Variants in RBFOX1 observed in about 807,000 individuals in gnomAD.
RBFOX1 encodes RNA binding protein fox-1 homolog 1.
Under a neutral mutation model 57.7 loss-of-function variants are expected in RBFOX1, and 8 were observed. The ratio of observed to expected loss-of-function variants is 0.14; its 90% CI spans 0.08 to 0.25. The LOEUF is 0.25. RBFOX1 is among the 10% of genes least tolerant of loss of function. RBFOX1 has a pLI of 1.00. For missense variants in RBFOX1, 611 were observed against 548.5 expected, an observed-to-expected ratio of 1.11 and a Z score of -1.14; for synonymous variants, 326 against 222.4, an observed-to-expected ratio of 1.47 and a Z score of -4.15.
At chr16:6,666,887 T>G (rs77883637) in intron 3 of RBFOX1, among the ~76,000 whole-genome samples, 11 of 152,282 alleles carry the variant, frequency 7.2e-5, no homozygotes, top group Middle Eastern at 3.4e-3. Context: ...TCAATGAGTC[T>G]GCTCCACAGA....
At chr16:7,492,150 GT>G (rs1183957840) in intron 4 of RBFOX1, among the ~76,000 whole-genome samples, 1 of 152,200 alleles carries the variant, frequency 6.6e-6, no homozygotes, top group Non-Finnish European at 1.5e-5. Flanking sequence ...GCATGATTTT[GT>G]CTGCCTTCTG....
intron 1 of RBFOX1, among the ~76,000 whole-genome samples, chr16:6,034,453 C>T (rs939663915): frequency 2.7e-5 from 4 of 150,140 alleles, no homozygotes; most frequent in African/African-American, 9.8e-5. Flanking sequence ...AGTTCAATGT[C>T]TAGTGAGGGA....
rs76483213 is a variant in RBFOX1, at chr16:6,360,239, T to C, written c.-64+43182T>C. ...TACATCATTGTGTAATATTTCTTTA[T>C]AGATTTTTTTTTTTCCAATGTGGAC... On this transcript the variant is annotated intron_variant, in intron 2 of 15. Coordinates refer to ENST00000550418, the MANE Select transcript of RBFOX1 (RefSeq NM_018723.4). Among the ~76,000 whole-genome samples the C allele has an allele frequency of 9.6e-3, 1,434 of 148,818 alleles. 30 individuals carry two copies. The highest frequency in any genetic ancestry group is 0.031 in the African/African-American group (1,238 of 40,248).
chr16:6,557,507 G>A (rs1354088251), intron 2 of RBFOX1, among the ~76,000 whole-genome samples: 6 of 150,498 alleles, frequency 4.0e-5, no homozygotes, highest in African/African-American at 1.5e-4. Context: ...ACAGTCTGCA[G>A]TAATATATGG....
At chr16:6,306,442 G>T (rs1419895174) in intron 1 of RBFOX1, among the ~76,000 whole-genome samples, 2 of 152,226 alleles carry the variant, frequency 1.3e-5, no homozygotes, top group African/African-American at 4.8e-5. Flanking sequence ...TTTCTGCAGA[G>T]ATTAGCACTT....
intron 2 of RBFOX1, among the ~76,000 whole-genome samples, chr16:5,559,906 T>TC (rs5815256): frequency 0.42 from 63,128 of 151,876 alleles, 13,397 homozygotes; most frequent in Admixed American, 0.49. Flanking sequence ...TGAGATCCTT[T>TC]ATTCTTCCTC....
intron 3 of RBFOX1, among the ~76,000 whole-genome samples, chr16:6,800,272 C>A (rs964323571): frequency 1.3e-5 from 2 of 152,176 alleles, no homozygotes; most frequent in Non-Finnish European, 2.9e-5. Flanking sequence ...GCATTGAAAA[C>A]CCAGCACCCT....
intron 3 of RBFOX1, among the ~76,000 whole-genome samples, chr16:5,734,128 T>G (rs2151570358): frequency 6.6e-6 from 1 of 152,310 alleles, no homozygotes; most frequent in East Asian, 1.9e-4. Context: ...GTTCTTCTCC[T>G]TACCTGTTGG....
chr16:7,609,217 G>C (rs929427716), intron 10 of RBFOX1, among the ~76,000 whole-genome samples: 1 of 152,180 alleles, frequency 6.6e-6, no homozygotes, highest in Admixed American at 6.5e-5. Context: ...GTCCAGTGAA[G>C]AACAAGAAGC....
chr16:5,590,605 T>C (rs1047204773), intron 2 of RBFOX1, among the ~76,000 whole-genome samples: 1 of 152,278 alleles, frequency 6.6e-6, no homozygotes, highest in Non-Finnish European at 1.5e-5. Flanking sequence ...TAGCGGACTG[T>C]CTGCCAAAGA....
chr16:7,031,594 C>A (rs1419580802), intron 3 of RBFOX1, among the ~76,000 whole-genome samples: 1 of 144,584 alleles, frequency 6.9e-6, no homozygotes, highest in Admixed American at 6.9e-5. Context: ...GAGTGAGACC[C>A]TGCCTAAAAA....
Position 6,258,687 on chromosome 16 carries a change from T to A in RBFOX1, c.-126-58308T>A, listed in dbSNP as rs186264597. On this transcript the variant is annotated intron_variant, in intron 1 of 15. Transcript: ENST00000550418. ...TAACTAAGCAGGATAATTGTTTAAA[T>A]GTTTATAGTATCAACAGGGGGACTA... is the stretch of plus-strand genomic sequence containing the variant. Among the ~76,000 whole-genome samples, 6 of 152,344 alleles carry A rather than the reference T, an allele frequency of 3.9e-5. No homozygotes were observed. The East Asian group carries it at 1.2e-3, about 29-fold the overall frequency.
intron 5 of RBFOX1, among the ~76,000 whole-genome samples, chr16:7,565,783 T>C (rs936610408): frequency 3.3e-5 from 5 of 152,286 alleles, no homozygotes; most frequent in African/African-American, 1.2e-4. Context: ...ACTTTTTATT[T>C]ATCACTGTGA....
intron 1 of RBFOX1, among the ~76,000 whole-genome samples, chr16:6,273,041 C>T (rs947831239): frequency 4.6e-5 from 7 of 152,180 alleles, no homozygotes; most frequent in East Asian, 1.9e-4. Context: ...AGGTGAGTCA[C>T]CCGAGGTCAG....
At chr16:5,735,514 A>C (rs1176109215) in intron 3 of RBFOX1, among the ~76,000 whole-genome samples, 1 of 152,178 alleles carries the variant, frequency 6.6e-6, no homozygotes, top group Non-Finnish European at 1.5e-5. Flanking sequence ...CCGCTTCCGC[A>C]TCTTGACCCT....
intron 3 of RBFOX1, among the ~76,000 whole-genome samples, chr16:6,896,555 A>G (rs774737106): frequency 2.0e-5 from 3 of 152,188 alleles, no homozygotes; most frequent in Admixed American, 6.5e-5. Flanking sequence ...TTCAGTTAAC[A>G]TAATAATCTC....
intron 1 of RBFOX1, among the ~76,000 whole-genome samples, chr16:5,442,687 G>C (rs1198248945): frequency 2.6e-5 from 4 of 152,180 alleles, no homozygotes; most frequent in Non-Finnish European, 4.4e-5. Flanking sequence ...ACTGAGCCCT[G>C]CTATGTGCCA....
chr16:7,628,996 T>C (rs2060508782), intron 10 of RBFOX1, among the ~76,000 whole-genome samples: 1 of 152,226 alleles, frequency 6.6e-6, no homozygotes, highest in Admixed American at 6.5e-5. Context: ...ACTCTTGATA[T>C]ATTTACTACC....
chr16:6,620,853 T>G lies in RBFOX1; in HGVS notation c.-63-33750T>G, dbSNP rs182415721. ...CACGTTCTCATATTGTCACCAAAGC[T>G]CCACACTTAAAATCCCTTGTATTAG... On this transcript the variant is annotated intron_variant, in intron 2 of 15. Transcript: ENST00000550418. Among the ~76,000 whole-genome samples, 7 of 152,322 alleles carry G rather than the reference T, an allele frequency of 4.6e-5. No homozygotes were observed. The East Asian group carries it at 1.4e-3, about 29-fold the overall frequency.
Sources: allele counts gnomAD v4.1 joint callset (sites outside exome capture counted in the v4.1 genomes callset), GRCh38; gene constraint gnomAD v4.1.1; transcripts MANE v1.5; gene names NCBI Gene and HGNC (gene_info 2026-07-23, HGNC 2026-07-21).